The following SLC4A4 variants were observed in gnomAD, a reference collection of about 807,000 sequenced individuals.
The protein encoded by SLC4A4 is electrogenic sodium bicarbonate cotransporter 1.
In SLC4A4, 27 loss-of-function variants were observed where a neutral mutation model predicts 111.5. That is an observed-to-expected ratio of 0.24 (90% CI 0.18 to 0.33). The LOEUF (loss-of-function observed/expected upper bound fraction) is 0.33, where lower values mean the gene tolerates loss of function less well. SLC4A4 is among the 10% of genes least tolerant of loss of function. The pLI is 1.00. For synonymous variants in SLC4A4, 443 were observed against 463.4 expected (o/e 0.96, Z 0.57); for missense variants, 909 against 1,315.5 (o/e 0.69, Z 4.78).
intron 2 of SLC4A4, among the ~76,000 whole-genome samples, chr4:71,167,127 T>A (rs1173554083): frequency 2.0e-5 from 3 of 152,142 alleles, no homozygotes; most frequent in African/African-American, 7.2e-5. Context: ...AGTGATTTGA[T>A]GGCAGGGAGT....
intron 14 of SLC4A4, among the ~76,000 whole-genome samples, chr4:71,479,115 A>G (rs1728636543): frequency 6.6e-6 from 1 of 151,782 alleles, no homozygotes; most frequent in African/African-American, 2.4e-5. Context: ...TATTGTTAAC[A>G]AAAGGGATAT....
At chr4:71,437,680 A>T in intron 7 of SLC4A4, 2 of 461,876 alleles carry the variant, frequency 4.3e-6, no homozygotes, top group Non-Finnish European at 4.3e-6. Flanking sequence ...AGCACAGGCC[A>T]TGCCAACTGA....
chr4:71,305,054 A>G (rs1268017900), intron 3 of SLC4A4, among the ~76,000 whole-genome samples: 1 of 152,346 alleles, frequency 6.6e-6, no homozygotes, highest in South Asian at 2.1e-4. Context: ...AATACCTACT[A>G]TGTGACTGAC....
At chr4:71,330,381 CAG>C (rs913274245) in intron 3 of SLC4A4, among the ~76,000 whole-genome samples, 53 of 152,044 alleles carry the variant, frequency 3.5e-4, no homozygotes, top group African/African-American at 1.1e-3. Flanking sequence ...GTAGGTAAAA[CAG>C]AGATATAGAC....
At chr4:71,466,817 C>G (rs1351755952) in intron 13 of SLC4A4, among the ~76,000 whole-genome samples, 1 of 151,930 alleles carries the variant, frequency 6.6e-6, no homozygotes, top group African/African-American at 2.4e-5. Context: ...ACTCTCTTTC[C>G]CATTGTCCTG....
chr4:71,176,815 G>C (rs1488686290), intron 2 of SLC4A4, among the ~76,000 whole-genome samples: 1 of 152,086 alleles, frequency 6.6e-6, no homozygotes, highest in African/African-American at 2.4e-5. Flanking sequence ...TTCAAATTCA[G>C]GAAATACAGA....
At chr4:71,503,040 T>C (rs1381770457) in intron 16 of SLC4A4, among the ~76,000 whole-genome samples, 1 of 152,176 alleles carries the variant, frequency 6.6e-6, no homozygotes, top group Non-Finnish European at 1.5e-5. Context: ...TTTATAATTG[T>C]TTTATTGAAT....
chr4:71,552,242 T>G (rs943461326), intron 20 of SLC4A4, among the ~76,000 whole-genome samples: 16 of 151,926 alleles, frequency 1.1e-4, no homozygotes, highest in African/African-American at 3.6e-4. Flanking sequence ...AAGTTAGTAA[T>G]TTCTCAATGT....
At chr4:71,083,004 C>T (rs1056322460) in intron 1 of SLC4A4, among the ~76,000 whole-genome samples, 1 of 151,918 alleles carries the variant, frequency 6.6e-6, no homozygotes, top group African/African-American at 2.4e-5. Context: ...CAGGCGCATG[C>T]CACCATGCCC....
intron 6 of SLC4A4, among the ~76,000 whole-genome samples, chr4:71,388,969 C>T (rs73828134): frequency 3.3e-5 from 5 of 152,106 alleles, no homozygotes; most frequent in African/African-American, 7.2e-5. Flanking sequence ...GAATTAGAAG[C>T]GGTGAAATTT....
At chr4:71,153,198 C>T (rs1233979946) in intron 2 of SLC4A4, among the ~76,000 whole-genome samples, 1 of 151,732 alleles carries the variant, frequency 6.6e-6, no homozygotes, top group African/African-American at 2.4e-5. Flanking sequence ...CAGGAAGCAT[C>T]CAGTACAGGA....
chr4:71,473,121 C>T (rs1360096399), intron 14 of SLC4A4, 151 bp downstream of exon 14: 2 of 860,280 alleles, frequency 2.3e-6, no homozygotes, highest in Non-Finnish European at 1.9e-6. Flanking sequence ...TTTGATGTCT[C>T]ATTGCCTGAG....
At chr4:71,105,867 G>A (rs1223193070) in intron 2 of SLC4A4, among the ~76,000 whole-genome samples, 1 of 143,244 alleles carries the variant, frequency 7.0e-6, no homozygotes, top group East Asian at 2.0e-4. Context: ...CATGGGCAAG[G>A]ACTTCATGTC....
At chr4:71,444,367 C>G (rs1490791321) in intron 8 of SLC4A4, among the ~76,000 whole-genome samples, 1 of 152,108 alleles carries the variant, frequency 6.6e-6, no homozygotes, top group Non-Finnish European at 1.5e-5. Flanking sequence ...AAAAGGGCCT[C>G]ATGAAGATTA....
intron 1 of SLC4A4, among the ~76,000 whole-genome samples, chr4:71,220,290 A>T (rs1718663848): frequency 6.6e-6 from 1 of 152,232 alleles, no homozygotes; most frequent in Admixed American, 6.5e-5. Flanking sequence ...TTTTAAAATT[A>T]AGGTATGTGC....
intron 2 of SLC4A4, among the ~76,000 whole-genome samples, chr4:71,122,747 T>C (rs1214013353): frequency 1.3e-5 from 2 of 151,956 alleles, no homozygotes; most frequent in African/African-American, 4.8e-5. Flanking sequence ...TCCCAGACCA[T>C]CCCCCCTCGG....
chr4:71,438,993 A>T (rs902130552), intron 7 of SLC4A4, among the ~76,000 whole-genome samples: 1 of 151,642 alleles, frequency 6.6e-6, no homozygotes, highest in African/African-American at 2.4e-5. Context: ...TAAATATAAT[A>T]GTTCTATCTC....
chr4:71,277,631 C>G (rs1344498915), intron 3 of SLC4A4, among the ~76,000 whole-genome samples: 1 of 148,112 alleles, frequency 6.8e-6, no homozygotes, highest in Non-Finnish European at 1.5e-5. Flanking sequence ...TCCTTCCTCT[C>G]TCTCTCATTC....
intron 7 of SLC4A4, among the ~76,000 whole-genome samples, chr4:71,407,431 C>T (rs532964484): frequency 1.7e-4 from 26 of 152,174 alleles, no homozygotes; most frequent in Non-Finnish European, 3.2e-4. Flanking sequence ...TGATTATTCA[C>T]ACCGAATAAA....
Sources: allele counts gnomAD v4.1 joint callset (sites outside exome capture counted in the v4.1 genomes callset), GRCh38; gene constraint gnomAD v4.1.1; transcripts MANE v1.5; gene names NCBI Gene and HGNC (gene_info 2026-07-23, HGNC 2026-07-21).